TNRC6A: variants seen among roughly 807,000 people sequenced by gnomAD.
TNRC6A encodes trinucleotide repeat containing adaptor 6A.
In TNRC6A, 44 loss-of-function variants were observed where a neutral mutation model predicts 221.2. The observed-to-expected ratio is 0.20, with a 90% confidence interval of 0.16 to 0.26. TNRC6A has a LOEUF of 0.26. Ranked by LOEUF, TNRC6A falls within the 10% of genes least tolerant of loss-of-function variation. The pLI, the probability that TNRC6A is intolerant of heterozygous loss-of-function variation, is 1.00. For synonymous variants in TNRC6A, 847 were observed against 838.5 expected, an observed-to-expected ratio of 1.01 and a Z score of -0.18; for missense variants, 2,199 against 2,404.4, an observed-to-expected ratio of 0.91 and a Z score of 1.79.
Position 24,777,113 on chromosome 16 carries a change from CGCAGCCGCAGCA to C in TNRC6A, c.350_361del (p.Pro117_Gln120del). 3 of 1,091,276 alleles carry C rather than the reference CGCAGCCGCAGCA, an allele frequency of 2.7e-6. No individual in the cohort carries two copies. Among genetic ancestry groups the C allele is most frequent in the Non-Finnish European group, 3.9e-6 (3 of 769,394 alleles). The allele number at this position is 1,091,276 out of a possible 1,614,324, so 67.6% of individuals were successfully genotyped here. On this transcript the variant is annotated inframe_deletion, in exon 5 of 25. Coordinates refer to ENST00000395799, the MANE Select transcript of TNRC6A (RefSeq NM_014494.4). ...CAGCAGCCACAGCAGCAGCCACAGC[CGCAGCCGCAGCA>C]GCAGCAGCCACAGCAGCAGCCACAG...
At chr16:24,727,078 G>A (rs2056504943), upstream of TNRC6A, among the ~76,000 whole-genome samples, 2 of 150,700 alleles carry the variant, frequency 1.3e-5, no homozygotes, top group Admixed American at 1.3e-4. Context: ...TGCCCAGGCT[G>A]GAGTGCAATG....
In TNRC6A at chr16:24,806,750, A is replaced by G. The variant is rs1001044681; in HGVS notation, c.4506A>G (p.Pro1502=). 6.2e-7 allele frequency: 1 copy of G among 1,614,230 alleles called. No individual in the cohort carries two copies. The change falls in exon 17 of 25, where the codon CCA becomes CCG. Residue 1502 remains proline (P), a synonymous_variant. Coordinates refer to ENST00000395799, the MANE Select transcript of TNRC6A (RefSeq NM_014494.4). The part of the protein sequence containing the change: ...PHTTPELQKG[P]SPINAFSNFP... ...CTACACCTGAGCTGCAAAAAGGGCC[A>G]TCACCAATAAATGCTTTCAGCAACT...
chr16:24,812,160 G>A (rs1038025214), intron 18 of TNRC6A, among the ~76,000 whole-genome samples: 4 of 148,138 alleles, frequency 2.7e-5, no homozygotes, highest in Admixed American at 6.9e-5. Flanking sequence ...AGTGGTTCTC[G>A]TGCCTCAGCC....
At chr16:24,809,849 C>T (rs1448940861) in intron 18 of TNRC6A, among the ~76,000 whole-genome samples, 3 of 152,128 alleles carry the variant, frequency 2.0e-5, no homozygotes, top group East Asian at 1.9e-4. Flanking sequence ...GGTCCCATTC[C>T]GTCACCCAGG....
intron 2 of TNRC6A, among the ~76,000 whole-genome samples, chr16:24,705,027 G>A (rs8056132): frequency 0.68 from 103,577 of 151,978 alleles, 35,742 homozygotes; most frequent in East Asian, 0.89. Context: ...AAAGCTTAGC[G>A]CAAGTGGAGT....
chr16:24,796,917 A>G (rs912292576), intron 9 of TNRC6A, among the ~76,000 whole-genome samples: 1 of 152,218 alleles, frequency 6.6e-6, no homozygotes, highest in African/African-American at 2.4e-5. Context: ...AACCAGCCGC[A>G]GAGAGCCAGC....
chr16:24,729,944 GGCGTCC>G, intron 1 of TNRC6A, 98 bp downstream of exon 1: 19 of 1,108,422 alleles, frequency 1.7e-5, no homozygotes, highest in Non-Finnish European at 2.1e-5. Flanking sequence ...GGCGGCGCCG[GGCGTCC>G]CCGAGACTTC....
At chr16:24,794,153 G>A (rs1169766468) in intron 7 of TNRC6A, among the ~76,000 whole-genome samples, 2 of 152,126 alleles carry the variant, frequency 1.3e-5, no homozygotes, top group Admixed American at 6.5e-5. Flanking sequence ...TCTGCTTAAG[G>A]CTTTGAATAC....
At chr16:24,817,279 G>A (rs35061648) in intron 20 of TNRC6A, among the ~76,000 whole-genome samples, 2,678 of 152,194 alleles carry the variant, frequency 0.018, 32 homozygotes, top group Non-Finnish European at 0.028. Context: ...TAACATAAAG[G>A]ACCAGCAAAC....
chr16:24,636,027 G>A (rs373701709), intron 1 of TNRC6A, among the ~76,000 whole-genome samples: 5 of 152,316 alleles, frequency 3.3e-5, no homozygotes, highest in South Asian at 4.1e-4. Context: ...TTGGCAATAT[G>A]CAGGGCACTG....
At chr16:24,796,043 C>A in intron 9 of TNRC6A, 104 bp downstream of exon 9, 1 of 1,315,788 alleles carries the variant, frequency 7.6e-7, no homozygotes, top group Non-Finnish European at 1.1e-6. Flanking sequence ...AGGTACTGTG[C>A]TTGGTGCTGG....
At chr16:24,667,284 G>A (rs1318010318) in intron 2 of TNRC6A, among the ~76,000 whole-genome samples, 1 of 152,052 alleles carries the variant, frequency 6.6e-6, no homozygotes, top group Non-Finnish European at 1.5e-5. Flanking sequence ...CCCGTGCCTG[G>A]GCCTCAGCTA....
chr16:24,732,648 A>G (rs1359977021), intron 2 of TNRC6A, among the ~76,000 whole-genome samples: 2 of 152,190 alleles, frequency 1.3e-5, no homozygotes, highest in Admixed American at 1.3e-4. Context: ...GGACCCACAG[A>G]TGCATGCAAT....
chr16:24,672,128 T>A (rs2055315605), intron 2 of TNRC6A, among the ~76,000 whole-genome samples: 2 of 152,152 alleles, frequency 1.3e-5, no homozygotes, highest in Admixed American at 1.3e-4. Context: ...TTATTTTATT[T>A]ATTTATTTTT....
At chr16:24,695,307 C>G (rs2055835380) in intron 2 of TNRC6A, among the ~76,000 whole-genome samples, 1 of 152,144 alleles carries the variant, frequency 6.6e-6, no homozygotes, top group Admixed American at 6.6e-5. Flanking sequence ...TGATGTCTAC[C>G]TGTGTCAACT....
chr16:24,736,390 C>T (rs1333711832), intron 2 of TNRC6A, among the ~76,000 whole-genome samples: 6 of 152,142 alleles, frequency 3.9e-5, no homozygotes, highest in Admixed American at 2.6e-4. Flanking sequence ...CTTTACAATT[C>T]TGTCTGGTCC....
rs145076613 is a variant in TNRC6A at position 24,783,479 on chromosome 16, C to T, written c.590-5753C>T. On this transcript the variant is annotated intron_variant, in intron 5 of 24. Transcript: ENST00000395799. ...ATTATCACCAGTCTTCGTTCAGCCC[C>T]CACATAACCTCTTTGATCTTTTTTG... Among the ~76,000 whole-genome samples the T allele has an allele frequency of 6.6e-5, 10 of 152,206 alleles. No individual in the cohort carries two copies. In the East Asian group the frequency reaches 1.5e-3, roughly 23 times the overall value.
At chr16:24,775,273 T>G (rs1422244026) in intron 4 of TNRC6A, among the ~76,000 whole-genome samples, 1 of 152,124 alleles carries the variant, frequency 6.6e-6, no homozygotes, top group Admixed American at 6.5e-5. Context: ...AGTAAGAGAC[T>G]CATCAGTGAG....
chr16:24,736,615 C>T (rs1046656616), intron 2 of TNRC6A, among the ~76,000 whole-genome samples: 1 of 152,032 alleles, frequency 6.6e-6, no homozygotes, highest in African/African-American at 2.4e-5. Flanking sequence ...TTTTTTGGGT[C>T]TTGTCTGTAT....
Sources: allele counts gnomAD v4.1 joint callset (sites outside exome capture counted in the v4.1 genomes callset), GRCh38; gene constraint gnomAD v4.1.1; transcripts MANE v1.5; gene names NCBI Gene and HGNC (gene_info 2026-07-23, HGNC 2026-07-21).